TOX2: variants seen among roughly 807,000 people sequenced by gnomAD.
TOX2 encodes granulosa cell HMG box 1.
A neutral mutation model predicts 47.4 loss-of-function variants in TOX2; 15 were observed. The ratio of observed to expected loss-of-function variants is 0.32; its 90% CI spans 0.21 to 0.49. The LOEUF (loss-of-function observed/expected upper bound fraction) is 0.49, where lower values mean the gene tolerates loss of function less well. TOX2 is among the 20% of genes least tolerant of loss of function. TOX2 has a pLI of 0.99. For missense variants in TOX2, 622 were observed against 673.1 expected, an observed-to-expected ratio of 0.92 and a Z score of 0.84; for synonymous variants, 290 against 296.6, an observed-to-expected ratio of 0.98 and a Z score of 0.23.
chr20:43,973,468 GATTT>G lies in TOX2; in HGVS notation c.165+37_165+40del, dbSNP rs747845079. 56 of 1,607,176 alleles carry G rather than the reference GATTT, an allele frequency of 3.5e-5. 1 individual carries two copies. In the South Asian group the frequency reaches 5.8e-4, roughly 17 times the overall value. On this transcript the variant is annotated intron_variant, in intron 2 of 8. Transcript: ENST00000341197. ...CATCCTCCCTGAACGGGTGTCTTAA[GATTT>G]GGGCTGGCTGGATCTGAGCTGTTCC...
At chr20:44,065,026 G>A (rs1419120343) in intron 6 of TOX2, among the ~76,000 whole-genome samples, 169 bp downstream of exon 6, 1 of 152,166 alleles carries the variant, frequency 6.6e-6, no homozygotes, top group African/African-American at 2.4e-5. Context: ...GGCTCATTCT[G>A]GGCACTTTAC....
chr20:43,964,519 CT>C (rs1191825560), intron 1 of TOX2, among the ~76,000 whole-genome samples: 3 of 152,190 alleles, frequency 2.0e-5, no homozygotes, highest in African/African-American at 7.2e-5. Context: ...CTCTTTAGAT[CT>C]TGGTGAGGCT....
At chr20:43,919,628 G>A (rs945787959) in intron 1 of TOX2, among the ~76,000 whole-genome samples, 1 of 152,110 alleles carries the variant, frequency 6.6e-6, no homozygotes, top group East Asian at 1.9e-4. Context: ...TAGGAGTTAA[G>A]CCCCGCATGC....
intron 4 of TOX2, among the ~76,000 whole-genome samples, chr20:44,053,129 A>G (rs916666031): frequency 6.6e-6 from 1 of 152,188 alleles, no homozygotes; most frequent in Admixed American, 6.5e-5. Context: ...CCCTGTTCCT[A>G]CATGGCTTGA....
At chr20:43,952,992 T>C (rs1354062921) in intron 1 of TOX2, among the ~76,000 whole-genome samples, 4 of 151,494 alleles carry the variant, frequency 2.6e-5, no homozygotes, top group Admixed American at 2.0e-4. Flanking sequence ...TCCTTATAAG[T>C]GAGGAGGGGT....
rs1439847857 is a variant in TOX2 at position 44,066,874 on chromosome 20, C to T, written c.1484+17C>T. The stretch of plus-strand genomic sequence containing the variant: ...CACCTGCAGGTTAGTCCTCGCCCGT[C>T]CCTGCCTTTGTCCTGCCAGCCAGGG... On this transcript the variant is annotated intron_variant, in intron 8 of 8. Coordinates refer to ENST00000341197, the MANE Select transcript of TOX2 (RefSeq NM_001098797.2). 1.9e-6 allele frequency: 3 copies of T among 1,605,416 alleles called. No homozygotes were observed. The highest frequency in any genetic ancestry group is 2.2e-5 in the East Asian group (1 of 44,832).
chr20:44,010,842 T>C (rs1043666729), intron 3 of TOX2, among the ~76,000 whole-genome samples: 1 of 152,108 alleles, frequency 6.6e-6, no homozygotes, highest in Non-Finnish European at 1.5e-5. Flanking sequence ...TGCCACCAAC[T>C]TGGGGGCTTA....
chr20:44,062,035 A>G (rs1449507743), intron 5 of TOX2, among the ~76,000 whole-genome samples: 1 of 151,974 alleles, frequency 6.6e-6, no homozygotes, highest in East Asian at 1.9e-4. Flanking sequence ...AATGGGGAAA[A>G]GTTGAAAGCA....
intron 1 of TOX2, among the ~76,000 whole-genome samples, chr20:43,920,198 G>A (rs891230267): frequency 2.6e-5 from 4 of 152,240 alleles, no homozygotes; most frequent in African/African-American, 9.6e-5. Context: ...TAATTGCTCA[G>A]TAAATATGTG....
chr20:43,983,586 G>A (rs550618079), intron 2 of TOX2, among the ~76,000 whole-genome samples: 2 of 152,344 alleles, frequency 1.3e-5, no homozygotes, highest in African/African-American at 4.8e-5. Context: ...AGAGCCAGGA[G>A]CTCTGAGTTC....
At chr20:43,971,150 A>T (rs866294901) in intron 1 of TOX2, among the ~76,000 whole-genome samples, 1 of 152,150 alleles carries the variant, frequency 6.6e-6, no homozygotes, top group Admixed American at 6.5e-5. Context: ...TGCTTTATTT[A>T]CTTATTCAAC....
At chr20:44,048,853 G>T (rs1471663778) in intron 3 of TOX2, among the ~76,000 whole-genome samples, 1 of 152,082 alleles carries the variant, frequency 6.6e-6, no homozygotes, top group Non-Finnish European at 1.5e-5. Context: ...CCAATATCAG[G>T]GCCAGGTGTG....
At chr20:43,995,629 AG>A (rs1269336227) in intron 2 of TOX2, among the ~76,000 whole-genome samples, 3 of 152,188 alleles carry the variant, frequency 2.0e-5, no homozygotes, top group Non-Finnish European at 4.4e-5. Flanking sequence ...TATTCAGCCT[AG>A]TACCCATTAG....
intron 3 of TOX2, among the ~76,000 whole-genome samples, chr20:44,038,719 G>T (rs1296757247): frequency 6.6e-6 from 1 of 152,122 alleles, no homozygotes; most frequent in Non-Finnish European, 1.5e-5. Context: ...TTCGGAGGAC[G>T]CAGGGTGGCT....
In TOX2 at chr20:44,066,743, T is replaced by G. The variant is rs2071829609; in HGVS notation, c.1370T>G (p.Ile457Ser). ...SPPGPQDFPH[I>S]SEFPSSSGSC... ...CCCACTCTGTAGGACTTCCCGCACA[T>G]CTCTGAGTTCCCCAGCAGCTCGGGA... Residue 457 changes from isoleucine to serine, a missense_variant, in exon 8 of 9, where the codon ATC becomes AGC. Ile to Ser is a moderately radical substitution (Grantham distance 142). This residue lies in a region of TOX2 where 294 missense variants were observed against 300.0 expected (regional missense o/e 0.98). Coordinates refer to ENST00000341197, the MANE Select transcript of TOX2 (RefSeq NM_001098797.2). The G allele has an allele frequency of 5.0e-6, 8 of 1,614,100 alleles. No homozygotes were observed. Among genetic ancestry groups the G allele is most frequent in the Non-Finnish European group, 5.9e-6 (7 of 1,179,996 alleles).
intron 1 of TOX2, among the ~76,000 whole-genome samples, chr20:43,972,588 G>C (rs1006448849): frequency 1.3e-5 from 2 of 152,230 alleles, no homozygotes; most frequent in African/African-American, 4.8e-5. Context: ...AACATCCTAT[G>C]AGGAGGGGCC....
At chr20:44,011,110 T>C (rs2070771857) in intron 3 of TOX2, among the ~76,000 whole-genome samples, 1 of 152,210 alleles carries the variant, frequency 6.6e-6, no homozygotes, top group Admixed American at 6.5e-5. Flanking sequence ...ACATTTGTGA[T>C]GGCATTTAGG....
intron 1 of TOX2, among the ~76,000 whole-genome samples, chr20:43,938,090 T>C (rs1463711267): frequency 2.0e-5 from 3 of 152,340 alleles, no homozygotes; most frequent in African/African-American, 4.8e-5. Context: ...TTCAGTCTAA[T>C]GCTTGTGGAC....
rs576519296 is a variant in TOX2 at position 44,030,235 on chromosome 20, T to A, written c.412-21071T>A. Among the ~76,000 whole-genome samples the A allele has an allele frequency of 1.1e-3, 171 of 152,318 alleles. No individual in the cohort carries two copies. The Middle Eastern group carries it at 0.014, about 12-fold the overall frequency. ...CAGCCCATGAATTTCATCAGTAATC[T>A]GGTATGAGTCTTAATCTGCCAGAAC... On this transcript the variant is annotated intron_variant, in intron 3 of 8. Transcript: ENST00000341197.
Sources: gnomAD v4.1 joint callset for allele counts (sites outside exome capture counted in the v4.1 genomes callset) on GRCh38, gnomAD v4.1.1 for gene constraint, gnomAD v4.1.1 regional missense constraint, MANE v1.5 for transcripts, NCBI Gene and HGNC (gene_info 2026-07-23, HGNC 2026-07-21) for gene names.